ARNT2: variants seen among roughly 807,000 people sequenced by gnomAD.
ARNT2 encodes the protein ARNT protein 2.
In ARNT2, 36 loss-of-function variants were observed where a neutral mutation model predicts 91.7. The ratio of observed to expected loss-of-function variants is 0.39; its 90% confidence interval spans 0.30 to 0.52. The LOEUF (loss-of-function observed/expected upper bound fraction) is 0.52, where lower values mean the gene tolerates loss of function less well. Ranked by LOEUF, ARNT2 falls within the 20% of genes least tolerant of loss-of-function variation. The pLI is 0.72. For missense variants in ARNT2, 775 were observed against 939.3 expected, an observed-to-expected ratio of 0.83 and a Z score of 2.29; for synonymous variants, 365 against 347.1, an observed-to-expected ratio of 1.05 and a Z score of -0.57.
At chr15:80,412,199 A>T (rs557344047) in intron 1 of ARNT2, among the ~76,000 whole-genome samples, 1 of 152,338 alleles carries the variant, frequency 6.6e-6, no homozygotes, top group East Asian at 1.9e-4. Flanking sequence ...GGAAATCTAC[A>T]AAAATGCCAA....
intron 17 of ARNT2, among the ~76,000 whole-genome samples, chr15:80,586,850 A>G (rs1893181913): frequency 6.6e-6 from 1 of 151,974 alleles, no homozygotes; most frequent in Admixed American, 6.5e-5. Flanking sequence ...CAAAAAAAAA[A>G]AAAAAGGAAT....
chr15:80,483,256 C>T (rs1896916689), intron 5 of ARNT2, among the ~76,000 whole-genome samples: 1 of 152,216 alleles, frequency 6.6e-6, no homozygotes, highest in Non-Finnish European at 1.5e-5. Context: ...TACTTCGATG[C>T]ACATTTTAGT....
chr15:80,528,511 C>T (rs1303624691), intron 8 of ARNT2, among the ~76,000 whole-genome samples: 4 of 152,000 alleles, frequency 2.6e-5, no homozygotes, highest in East Asian at 1.9e-4. Flanking sequence ...GGTTTGTTTG[C>T]GCACCCCCTG....
chr15:80,574,188 A>C lies in ARNT2; in HGVS notation c.1357A>C (p.Arg453=). ...GCAGGCAGAATTGGAAGTGCACCAG[A>C]GAGATGGATTGTCATCGTATGACTT... is the stretch of plus-strand genomic sequence containing the variant. The part of the protein sequence containing the change: ...QQQAELEVHQ[R]DGLSSYDLSQ... The change falls in exon 13 of 19, where the codon AGA becomes CGA. Residue 453 remains arginine (R), a synonymous_variant. Transcript: ENST00000303329. The C allele has an allele frequency of 1.2e-6, 2 of 1,614,220 alleles. No homozygotes were observed. Among genetic ancestry groups the C allele is most frequent in the Non-Finnish European group, 1.7e-6 (2 of 1,180,036 alleles).
At chr15:80,536,210 G>T (rs888334053) in intron 8 of ARNT2, among the ~76,000 whole-genome samples, 2 of 152,232 alleles carry the variant, frequency 1.3e-5, no homozygotes, top group Non-Finnish European at 2.9e-5. Flanking sequence ...AAGGAGAACA[G>T]TTCTCTCTCC....
chr15:80,471,779 C>G (rs1896734484), intron 4 of ARNT2, among the ~76,000 whole-genome samples: 1 of 152,090 alleles, frequency 6.6e-6, no homozygotes, highest in Non-Finnish European at 1.5e-5. Flanking sequence ...AGTGGAGGAG[C>G]CAAGATTGGG....
chr15:80,416,621 GTT>G (rs752814917), intron 1 of ARNT2, among the ~76,000 whole-genome samples: 1 of 140,584 alleles, frequency 7.1e-6, no homozygotes, highest in East Asian at 2.2e-4. Context: ...TAATTTCTCA[GTT>G]TTTTTTGTTT....
At chr15:80,511,918 T>C (rs1247146868) in intron 6 of ARNT2, among the ~76,000 whole-genome samples, 1 of 152,128 alleles carries the variant, frequency 6.6e-6, no homozygotes. Context: ...GAGCCCTGAA[T>C]GTCCATCACT....
chr15:80,513,992 G>A lies in ARNT2; in HGVS notation c.791+16G>A, dbSNP rs576954819. 8.1e-6 allele frequency: 13 copies of A among 1,605,170 alleles called. No homozygotes were observed. The highest frequency in any genetic ancestry group is 4.4e-5 in the South Asian group (4 of 90,824). On this transcript the variant is annotated intron_variant, in intron 7 of 18. Coordinates refer to ENST00000303329, the MANE Select transcript of ARNT2 (RefSeq NM_014862.4). ...AAAGGTTCAGGTCAGTATCTCTTCC[G>A]ATGTATATTTTGGGACTGTTCTGGT...
chr15:80,469,945 A>G lies in ARNT2; in HGVS notation c.195-273A>G, dbSNP rs189460299. 3.3e-5 allele frequency among the ~76,000 whole-genome samples: 5 copies of G among 152,328 alleles called. No individual in the cohort carries two copies. The East Asian group carries it at 9.6e-4, about 29-fold the overall frequency. ...GTCTCAATTTTTTATGCTTACAAAA[A>G]TACCTCAGGCATATGGGAGTAATTA... On this transcript the variant is annotated intron_variant, in intron 3 of 18. Coordinates refer to ENST00000303329, the MANE Select transcript of ARNT2 (RefSeq NM_014862.4).
At chr15:80,524,577 A>G (rs991992124) in intron 8 of ARNT2, among the ~76,000 whole-genome samples, 1 of 152,166 alleles carries the variant, frequency 6.6e-6, no homozygotes, top group Non-Finnish European at 1.5e-5. Context: ...TTTAGAGGCT[A>G]TGTAAGAACA....
intron 5 of ARNT2, among the ~76,000 whole-genome samples, chr15:80,486,067 C>T (rs1896968027): frequency 6.6e-6 from 1 of 152,196 alleles, no homozygotes; most frequent in East Asian, 1.9e-4. Flanking sequence ...TGGCTGTCTC[C>T]TAGCTCTGGT....
chr15:80,578,929 A>G (rs1055081947), intron 15 of ARNT2, among the ~76,000 whole-genome samples: 2 of 152,208 alleles, frequency 1.3e-5, no homozygotes, highest in Non-Finnish European at 2.9e-5. Context: ...CAATACAGCC[A>G]TAGGGAATCC....
chr15:80,407,138 GA>G lies in ARNT2; in HGVS notation c.31+2594del, dbSNP rs573812408. On this transcript the variant is annotated intron_variant, in intron 1 of 18. Transcript: ENST00000303329. ...GCAAAGAATAAGAGCTTGGTAAACA[GA>G]ACCAAATGGATGGGGAAGCACCAGG... Among the ~76,000 whole-genome samples, 291 of 152,302 alleles carry G rather than the reference GA, an allele frequency of 1.9e-3. 1 individual carries two copies. Among genetic ancestry groups the G allele is most frequent in the Non-Finnish European group, 3.5e-3 (235 of 68,028 alleles).
chr15:80,536,259 A>G (rs1221555772), intron 8 of ARNT2, among the ~76,000 whole-genome samples: 2 of 152,232 alleles, frequency 1.3e-5, no homozygotes, highest in Non-Finnish European at 2.9e-5. Flanking sequence ...AGCAGAGTGC[A>G]CAGGGTTTTA....
At chr15:80,573,051 T>C (rs1898612010) in intron 12 of ARNT2, among the ~76,000 whole-genome samples, 1 of 152,228 alleles carries the variant, frequency 6.6e-6, no homozygotes, top group South Asian at 2.1e-4. Flanking sequence ...TGGGAGCGTG[T>C]GAGCAAGTCC....
intron 11 of ARNT2, chr15:80,555,959 T>A (rs1898177433): frequency 6.6e-6 from 1 of 151,116 alleles, no homozygotes; most frequent in Non-Finnish European, 1.5e-5. Context: ...AGTGAGACTC[T>A]GTCTCACTCA....
intron 16 of ARNT2, 69 bp from the exon 17 acceptor site, chr15:80,581,170 G>C: frequency 1.3e-6 from 2 of 1,583,128 alleles, no homozygotes; most frequent in South Asian, 2.3e-5. Context: ...CGACCAGCCT[G>C]GGGCATCGGT....
rs1245966349 is a variant in ARNT2, at chr15:80,551,219, G to A, written c.898G>A (p.Asp300Asn). ...PPAGMTIPEE[D>N]ADVGQGSKYC... ...TTCAGGAATGACCATACCTGAAGAA[G>A]ACGCTGATGTGGGACAAGGCAGTAA... is the stretch of plus-strand genomic sequence containing the variant. Residue 300 changes from aspartate to asparagine, a missense_variant, in exon 9 of 19, where the codon GAC (aspartate) becomes AAC (asparagine). This residue lies in a region of ARNT2 where 285 missense variants were observed against 327.2 expected (regional missense o/e 0.87). Transcript: ENST00000303329. The A allele has an allele frequency of 6.2e-7, 1 of 1,614,024 alleles. No homozygotes were observed. The highest frequency in any genetic ancestry group is 8.5e-7 in the Non-Finnish European group (1 of 1,179,888).
Sources: allele counts gnomAD v4.1 joint callset (sites outside exome capture counted in the v4.1 genomes callset), GRCh38; gene constraint gnomAD v4.1.1; regional missense constraint gnomAD v4.1.1; transcripts MANE v1.5; gene names NCBI Gene and HGNC (gene_info 2026-07-23, HGNC 2026-07-21).